Variants in MEMO1 observed in about 807,000 individuals in gnomAD.
MEMO1 encodes the protein mediator of cell motility 1.
In MEMO1, 6 loss-of-function variants were observed where a neutral mutation model predicts 45.2. The ratio of observed to expected loss-of-function variants is 0.13; its 90% CI spans 0.07 to 0.26. The LOEUF is 0.26. Ranked by LOEUF, MEMO1 falls within the 10% of genes least tolerant of loss-of-function variation. The pLI is 1.00. For synonymous variants in MEMO1, 78 were observed against 124.3 expected (o/e 0.63, Z 2.48); for missense variants, 184 against 370.5 (o/e 0.50, Z 4.13).
At chr2:31,918,856 C>T (rs928921970) in intron 5 of MEMO1, among the ~76,000 whole-genome samples, 8 of 152,162 alleles carry the variant, frequency 5.3e-5, no homozygotes, top group African/African-American at 1.7e-4. Context: ...TGTATGACCT[C>T]TTTTCTTGAA....
chr2:32,009,983 G>A (rs910169198), intron 2 of MEMO1, among the ~76,000 whole-genome samples: 1 of 150,570 alleles, frequency 6.6e-6, no homozygotes, highest in Non-Finnish European at 1.5e-5. Flanking sequence ...CCGGGCTGCC[G>A]GCGCGGGATG....
intron 2 of MEMO1, among the ~76,000 whole-genome samples, chr2:31,985,242 C>T (rs998755628): frequency 6.6e-6 from 1 of 152,100 alleles, no homozygotes; most frequent in African/African-American, 2.4e-5. Flanking sequence ...TCTATAAACG[C>T]TGAAAGTGTT....
chr2:31,902,589 A>C (rs968717046), intron 6 of MEMO1, among the ~76,000 whole-genome samples: 1 of 152,180 alleles, frequency 6.6e-6, no homozygotes, highest in Non-Finnish European at 1.5e-5. Context: ...ACAGTTAATA[A>C]TACCTCACCA....
chr2:31,991,036 A>C (rs1025901395), intron 2 of MEMO1, among the ~76,000 whole-genome samples: 10 of 152,302 alleles, frequency 6.6e-5, no homozygotes, highest in African/African-American at 2.4e-4. Context: ...ATATGAAAAG[A>C]TCTTCAACTA....
intron 5 of MEMO1, among the ~76,000 whole-genome samples, chr2:31,919,949 CGTGTG>C (rs1682031201): frequency 6.9e-6 from 1 of 145,208 alleles, no homozygotes; most frequent in Non-Finnish European, 1.5e-5. Flanking sequence ...CACACATACA[CGTGTG>C]TGTGTGTGTG....
chr2:31,892,914 A>C (rs1174699804), intron 6 of MEMO1, among the ~76,000 whole-genome samples: 1 of 152,160 alleles, frequency 6.6e-6, no homozygotes, highest in African/African-American at 2.4e-5. Context: ...ACAGATGTTC[A>C]TTCAAAACCT....
In MEMO1 at chr2:31,907,717, C is replaced by T. The variant is rs545720537; in HGVS notation, c.437+10209G>A. 2.0e-5 allele frequency among the ~76,000 whole-genome samples: 3 copies of T among 151,754 alleles called. No individual in the cohort carries two copies. The South Asian group carries it at 6.2e-4, about 32-fold the overall frequency. On this transcript the variant is annotated intron_variant, in intron 6 of 9. Coordinates refer to ENST00000404530, the MANE Select transcript of MEMO1 (RefSeq NM_001301833.4). Reference sequence around the variant, plus strand: ...CTGAGGTAGGAAGATCACTTGAGCACGGGAGGTGGAAGTTGTGGTGAACCG... The same window carrying T: ...CTGAGGTAGGAAGATCACTTGAGCATGGGAGGTGGAAGTTGTGGTGAACCG...
chr2:31,908,593 A>C (rs1398666373), intron 6 of MEMO1, among the ~76,000 whole-genome samples: 3 of 152,204 alleles, frequency 2.0e-5, no homozygotes, highest in Non-Finnish European at 2.9e-5. Flanking sequence ...AGGAATACTT[A>C]AAGGGTAATG....
chr2:31,877,535 T>C (rs962212757), intron 8 of MEMO1, among the ~76,000 whole-genome samples: 21 of 152,320 alleles, frequency 1.4e-4, no homozygotes, highest in Non-Finnish European at 2.9e-4. Flanking sequence ...TTGATTTTAA[T>C]ATACAATGAG....
rs1468150309 is a variant in MEMO1 at position 31,968,445 on chromosome 2, A to G, written c.62-25062T>C. 2.0e-5 allele frequency among the ~76,000 whole-genome samples: 3 copies of G among 152,316 alleles called. No homozygotes were observed. The East Asian group carries it at 5.8e-4, about 29-fold the overall frequency. On this transcript the variant is annotated intron_variant, in intron 2 of 9. Transcript: ENST00000404530. ...TGATAACCCGACCCAGAATTCCCTA[A>G]GTCCTGAACTATTTGCCACTACTAA... is the stretch of plus-strand genomic sequence containing the variant.
At chr2:31,955,592 C>T (rs1667323233) in intron 2 of MEMO1, among the ~76,000 whole-genome samples, 1 of 151,942 alleles carries the variant, frequency 6.6e-6, no homozygotes, top group African/African-American at 2.4e-5. Flanking sequence ...TAATTGAAAA[C>T]TATCCATGTT....
chr2:31,917,304 C>A (rs937913297), intron 6 of MEMO1, among the ~76,000 whole-genome samples: 1 of 152,050 alleles, frequency 6.6e-6, no homozygotes, highest in East Asian at 1.9e-4. Context: ...AAGAAGAAAA[C>A]CCTTGAAATA....
intron 2 of MEMO1, among the ~76,000 whole-genome samples, chr2:31,972,576 T>C (rs1263773228): frequency 1.3e-5 from 2 of 151,998 alleles, no homozygotes; most frequent in African/African-American, 4.8e-5. Context: ...CCAGGCATAG[T>C]AGTGTGCACC....
intron 2 of MEMO1, 77 bp from the exon 3 acceptor site, chr2:31,943,460 A>G (rs1572759654): frequency 1.4e-5 from 15 of 1,057,964 alleles, no homozygotes; most frequent in East Asian, 2.4e-5. Context: ...TAAAGCCCTC[A>G]CTGAACTTAT....
intron 2 of MEMO1, among the ~76,000 whole-genome samples, chr2:31,964,410 G>T (rs529066848): frequency 6.6e-6 from 1 of 152,104 alleles, no homozygotes; most frequent in Non-Finnish European, 1.5e-5. Context: ...AAAAATCACC[G>T]AGTAGGCCGG....
At chr2:31,935,535 C>T (rs1020651437) in intron 3 of MEMO1, among the ~76,000 whole-genome samples, 1 of 152,000 alleles carries the variant, frequency 6.6e-6, no homozygotes, top group East Asian at 1.9e-4. Context: ...AACTTCGAGG[C>T]TACACTGCAG....
At chr2:31,995,798 A>G (rs2148569203) in intron 2 of MEMO1, among the ~76,000 whole-genome samples, 1 of 152,288 alleles carries the variant, frequency 6.6e-6, no homozygotes, top group South Asian at 2.1e-4. Context: ...AGTAAGCCCC[A>G]AGGGATAAAT....
intron 8 of MEMO1, among the ~76,000 whole-genome samples, chr2:31,875,116 G>C (rs1022370860): frequency 4.6e-5 from 7 of 151,710 alleles, no homozygotes; most frequent in African/African-American, 1.7e-4. Context: ...TCAACAAATG[G>C]ACCACAGAAA....
intron 6 of MEMO1, among the ~76,000 whole-genome samples, chr2:31,911,522 A>G (rs966557403): frequency 2.0e-5 from 3 of 152,196 alleles, no homozygotes; most frequent in Non-Finnish European, 2.9e-5. Flanking sequence ...TAAACTATAG[A>G]CTTTAGTTAA....
Sources: gnomAD v4.1 joint callset for allele counts (sites outside exome capture counted in the v4.1 genomes callset) on GRCh38, gnomAD v4.1.1 for gene constraint, MANE v1.5 for transcripts, NCBI Gene and HGNC (gene_info 2026-07-23, HGNC 2026-07-21) for gene names.